Variants in REV1 observed in about 807,000 individuals in gnomAD.
The protein encoded by REV1 is translesion synthesis protein REV1.
A neutral mutation model predicts 137.4 loss-of-function variants in REV1; 42 were observed. That is an observed-to-expected ratio of 0.31 (90% CI 0.24 to 0.40). The LOEUF is 0.40. Among genes scored for constraint, REV1 ranks in the 10% least tolerant of loss-of-function variants. REV1 has a pLI of 1.00. For missense variants in REV1, 1,282 were observed against 1,490.1 expected (o/e 0.86, Z 2.30); for synonymous variants, 524 against 519.2 (o/e 1.01, Z -0.12).
At chr2:99,466,620 T>C (rs1292986303) in intron 1 of REV1, among the ~76,000 whole-genome samples, 1 of 152,156 alleles carries the variant, frequency 6.6e-6, no homozygotes, top group Non-Finnish European at 1.5e-5. Context: ...TTTATAACAA[T>C]TTGAATTTTT....
In REV1 at chr2:99,401,005, A is replaced by ACTT. The variant is rs1173242787; in HGVS notation, c.*233_*235dup. On this transcript the variant is annotated 3_prime_UTR_variant, in exon 23 of 23. Transcript: ENST00000258428. ...ACACTTCACTGTAAAAATCCATAAA[A>ACTT]CTTTATAAACAAACATTTTGTAAAT... is the stretch of plus-strand genomic sequence containing the variant. 1.3e-5 allele frequency: 4 copies of ACTT among 302,330 alleles called. No individual in the cohort carries two copies. In the East Asian group the frequency reaches 2.3e-4, roughly 18 times the overall value. The allele number at this position is 302,330 out of a possible 1,614,324, so 18.7% of individuals were successfully genotyped here. A position where few individuals can be genotyped will look rare whatever the true frequency, so the allele number is the denominator to read the frequency against.
At chr2:99,415,934 T>C (rs1677792658) in intron 12 of REV1, among the ~76,000 whole-genome samples, 1 of 152,284 alleles carries the variant, frequency 6.6e-6, no homozygotes, top group African/African-American at 2.4e-5. Context: ...CTTTCTTTCA[T>C]TAGGTAACCG....
chr2:99,459,165 G>A (rs1443536803), intron 3 of REV1, among the ~76,000 whole-genome samples: 50 of 150,872 alleles, frequency 3.3e-4, no homozygotes, highest in Non-Finnish European at 1.3e-4. Context: ...CCGAGATCGC[G>A]CCACTGCACT....
At position 99,441,794 on chromosome 2, in the gene REV1, G is replaced by A. The variant is rs140071018; in HGVS notation, c.503+523C>T. ...TTTAAGGTGAGAAACCAGTATGACTGTAAAAACTTACTTACATTTATGAAA... is the reference window on the plus strand; with the variant it reads ...TTTAAGGTGAGAAACCAGTATGACTATAAAAACTTACTTACATTTATGAAA... On this transcript the variant is annotated intron_variant, in intron 5 of 22. Transcript: ENST00000258428. 5.0e-3 allele frequency among the ~76,000 whole-genome samples: 754 copies of A among 152,250 alleles called. 2 individuals carry two copies. Among genetic ancestry groups the A allele is most frequent in the Non-Finnish European group, 8.3e-3 (564 of 68,004 alleles).
At chr2:99,411,637 G>C (rs1414312781) in intron 13 of REV1, among the ~76,000 whole-genome samples, 3 of 151,760 alleles carry the variant, frequency 2.0e-5, no homozygotes, top group Non-Finnish European at 4.4e-5. Context: ...TCCAACTCCT[G>C]ACCTCAGGTG....
chr2:99,450,590 C>T (rs977729049), intron 3 of REV1, among the ~76,000 whole-genome samples: 1 of 152,118 alleles, frequency 6.6e-6, no homozygotes, highest in African/African-American at 2.4e-5. Context: ...CTAAATTTTA[C>T]AGCACAAAAT....
chr2:99,470,902 A>T (rs999120408), intron 1 of REV1, among the ~76,000 whole-genome samples: 2 of 152,220 alleles, frequency 1.3e-5, no homozygotes, highest in Non-Finnish European at 2.9e-5. Context: ...AGGAAATTAA[A>T]TTTATGTTCA....
intron 1 of REV1, among the ~76,000 whole-genome samples, chr2:99,466,196 C>T (rs1022650896): frequency 6.6e-6 from 1 of 152,114 alleles, no homozygotes; most frequent in Non-Finnish European, 1.5e-5. Context: ...CGTGATCCGC[C>T]GGCCTCTGCC....
intron 15 of REV1, among the ~76,000 whole-genome samples, chr2:99,407,080 CT>C (rs869170472): frequency 1.6e-3 from 97 of 60,030 alleles, no homozygotes; most frequent in African/African-American, 3.6e-3. Flanking sequence ...TACAAAGGTT[CT>C]TTTTTTTTTT....
Position 99,424,204 on chromosome 2 carries a change from C to A in REV1, c.1624G>T (p.Asp542Tyr), listed in dbSNP as rs776667456. 1 of 1,613,720 alleles carries A rather than the reference C, an allele frequency of 6.2e-7. No homozygotes were observed. The highest frequency in any genetic ancestry group is 1.3e-5 in the African/African-American group (1 of 74,896). Residue 542 changes from aspartate to tyrosine, a missense_variant, in exon 10 of 23, where the codon GAT becomes TAT. This residue lies in a region of REV1 where 372 missense variants were observed against 482.3 expected (regional missense o/e 0.77). Coordinates refer to ENST00000258428, the MANE Select transcript of REV1 (RefSeq NM_016316.4). ...LCPNLQAVPY[D>Y]FHAYKEVAQT... ...GCGACTTCCTTATATGCATGAAAAT[C>A]GTATGGAACAGCTTGAAGATTAGGA...
chr2:99,475,289 T>A (rs1295339128), intron 1 of REV1, among the ~76,000 whole-genome samples: 10 of 152,160 alleles, frequency 6.6e-5, no homozygotes, highest in Non-Finnish European at 1.5e-4. Flanking sequence ...TTAGAACTTT[T>A]TAAAAGAGGC....
At chr2:99,407,113 A>T (rs1201714749) in intron 15 of REV1, among the ~76,000 whole-genome samples, 1 of 61,810 alleles carries the variant, frequency 1.6e-5, no homozygotes, top group African/African-American at 6.3e-5. Context: ...TTTTTGAGAC[A>T]GAGCCTCACT....
intron 3 of REV1, chr2:99,451,489 C>G (rs1263097318): frequency 1.5e-6 from 2 of 1,303,732 alleles, no homozygotes; most frequent in Non-Finnish European, 2.0e-6. Context: ...TGAAGTGAAG[C>G]ATGAAAACCA....
At chr2:99,457,712 G>GGC (rs1268148608) in intron 3 of REV1, among the ~76,000 whole-genome samples, 2 of 151,522 alleles carry the variant, frequency 1.3e-5, no homozygotes, top group African/African-American at 4.9e-5. Context: ...GAGAGAGAGA[G>GGC]GCGTAGGTCC....
chr2:99,418,768 A>G (rs1420108610), intron 12 of REV1, 60 bp downstream of exon 12: 2 of 1,483,838 alleles, frequency 1.3e-6, no homozygotes, highest in Non-Finnish European at 1.9e-6. Context: ...TCTATATTAT[A>G]GATATGAAAA....
In REV1 at chr2:99,438,897, T is replaced by G. The variant is rs903077890; in HGVS notation, c.917A>C (p.Asn306Thr). ...GTGGTGAGCACCATTGATTTTAGTG[T>G]TACTGTGCAAAGGTGATAATGAGAA... ...NSFSLSPLHSNTKINGAHHST... is the reference protein window; with the variant it reads ...NSFSLSPLHSTTKINGAHHST... Residue 306 changes from asparagine (N) to threonine (T), a missense_variant, in exon 6 of 23, where the codon AAC (asparagine) becomes ACC (threonine). Around this residue, in one of 7 missense-constraint regions of REV1, gnomAD observed 432 missense variants for 438.0 expected, o/e 0.99. Transcript: ENST00000258428. 6.2e-7 allele frequency: 1 copy of G among 1,614,062 alleles called. No homozygotes were observed. The highest frequency in any genetic ancestry group is 1.3e-5 in the African/African-American group (1 of 74,938).
At chr2:99,420,216 C>T (rs1366143530) in intron 11 of REV1, among the ~76,000 whole-genome samples, 1 of 152,192 alleles carries the variant, frequency 6.6e-6, no homozygotes, top group Non-Finnish European at 1.5e-5. Flanking sequence ...ATGTATTAAT[C>T]ATACTTTTTA....
chr2:99,433,539 C>A (rs1680381237), intron 8 of REV1, among the ~76,000 whole-genome samples: 1 of 152,178 alleles, frequency 6.6e-6, no homozygotes, highest in Non-Finnish European at 1.5e-5. Flanking sequence ...TTGTGACAAG[C>A]CCAACGTTTT....
In REV1 at chr2:99,425,026, ACT is replaced by A. The variant is rs1679159021; in HGVS notation, c.1548-748_1548-747del. 3 of 703,472 alleles carry A rather than the reference ACT, an allele frequency of 4.3e-6. 1 individual carries two copies. Among genetic ancestry groups the A allele is most frequent in the South Asian group, 2.7e-5 (1 of 37,598 alleles). 43.6% of individuals were successfully genotyped at this position (703,472 alleles called of 1,614,324 possible). A position where few individuals can be genotyped will look rare whatever the true frequency, so the allele number is the denominator to read the frequency against. ...ATAATTAGTAAAATTCTATTTTATC[ACT>A]CTGTAAAGAATCAAGAAAAAAAATT... On this transcript the variant is annotated intron_variant, in intron 9 of 22. Transcript: ENST00000258428.
Sources: gnomAD v4.1 joint callset for allele counts (sites outside exome capture counted in the v4.1 genomes callset) on GRCh38, gnomAD v4.1.1 for gene constraint, gnomAD v4.1.1 regional missense constraint, MANE v1.5 for transcripts, NCBI Gene and HGNC (gene_info 2026-07-23, HGNC 2026-07-21) for gene names.